Variants in XKR4 observed in about 807,000 individuals in gnomAD.
XKR4 encodes the protein XK-related protein 4.
XKR4 carries 12 observed loss-of-function variants against 53.9 expected under a neutral mutation model. The ratio of observed to expected loss-of-function variants is 0.22; its 90% confidence interval spans 0.14 to 0.36. XKR4 has a LOEUF of 0.36. XKR4 is among the 10% of genes least tolerant of loss of function. XKR4 has a pLI of 1.00. For synonymous variants in XKR4, 354 were observed against 362.4 expected (o/e 0.98, Z 0.26); for missense variants, 799 against 859.5 (o/e 0.93, Z 0.88).
chr8:55,374,320 G>A (rs77470970), intron 2 of XKR4, among the ~76,000 whole-genome samples: 1 of 152,250 alleles, frequency 6.6e-6, no homozygotes, highest in Non-Finnish European at 1.5e-5. Flanking sequence ...AGCCTCATAA[G>A]GGGGAGCAGC....
In XKR4 at chr8:55,523,846, A is replaced by T; in HGVS notation, c.1572A>T (p.Pro524=). The T allele has an allele frequency of 6.2e-7, 1 of 1,614,182 alleles. No homozygotes were observed. ...ATGGACCCAGATTCGGGCAGTCACCAAGTTGTGCTTGTGAGGACCCAGCCG... is the reference window on the plus strand; with the variant it reads ...ATGGACCCAGATTCGGGCAGTCACCTAGTTGTGCTTGTGAGGACCCAGCCG... ...HPNGPRFGQS[P]SCACEDPAAA... The change falls in exon 3 of 3, where the codon CCA becomes CCT. Residue 524 remains proline (P), a synonymous_variant. Transcript: ENST00000327381.
chr8:55,410,104 C>G (rs956942514), intron 2 of XKR4, among the ~76,000 whole-genome samples: 1 of 151,288 alleles, frequency 6.6e-6, no homozygotes, highest in African/African-American at 2.4e-5. Flanking sequence ...AAAAAAAAAG[C>G]CTTTTGAAAT....
intron 2 of XKR4, among the ~76,000 whole-genome samples, chr8:55,496,655 C>A (rs1268428821): frequency 6.6e-6 from 1 of 152,210 alleles, no homozygotes; most frequent in Non-Finnish European, 1.5e-5. Context: ...TCCCTCCCAA[C>A]TCCCCTGCAA....
In XKR4 at chr8:55,168,460, C is replaced by T. The variant is rs540946089; in HGVS notation, c.806+65166C>T. ...ACCTTATAATAATTTTAAAATGCATCCTATGTTCCCACTTCTGTGCACTTT... is the reference window on the plus strand; with the variant it reads ...ACCTTATAATAATTTTAAAATGCATTCTATGTTCCCACTTCTGTGCACTTT... On this transcript the variant is annotated intron_variant, in intron 1 of 2. Transcript: ENST00000327381. 5.6e-4 allele frequency among the ~76,000 whole-genome samples: 85 copies of T among 152,274 alleles called. 3 individuals carry two copies. In the South Asian group the frequency reaches 0.016, roughly 29 times the overall value.
chr8:55,165,241 G>A (rs1268009541), intron 1 of XKR4, among the ~76,000 whole-genome samples: 2 of 152,138 alleles, frequency 1.3e-5, no homozygotes, highest in Non-Finnish European at 2.9e-5. Flanking sequence ...GTGTGTTAAT[G>A]AATTTATGTA....
intron 1 of XKR4, among the ~76,000 whole-genome samples, chr8:55,153,427 T>A (rs1025675665): frequency 6.6e-5 from 10 of 152,150 alleles, no homozygotes; most frequent in African/African-American, 2.4e-4. Context: ...CCTTGTGACC[T>A]TCGAAGAACA....
chr8:55,474,448 C>T (rs1227320472), intron 2 of XKR4, among the ~76,000 whole-genome samples: 1 of 152,286 alleles, frequency 6.6e-6, no homozygotes, highest in East Asian at 1.9e-4. Context: ...CACATATACA[C>T]ACAAAGTCTA....
rs562218692 is a variant in XKR4 at position 55,455,249 on chromosome 8, G to T, written c.1007-68032G>T. On this transcript the variant is annotated intron_variant, in intron 2 of 2. Transcript: ENST00000327381. Reference sequence around the variant, plus strand: ...CCGGGACACCCCGGGTTCGCTCCGCGGCGGCCGCAGCGGCTGCGGCTGCGG... The same window carrying T: ...CCGGGACACCCCGGGTTCGCTCCGCTGCGGCCGCAGCGGCTGCGGCTGCGG... The T allele has an allele frequency of 8.2e-5, 15 of 183,250 alleles. No individual in the cohort carries two copies. In the South Asian group the frequency reaches 1.8e-3, roughly 22 times the overall value. 11.4% of individuals were successfully genotyped at this position (183,250 alleles called of 1,614,324 possible).
At chr8:55,197,855 T>A (rs1203213106) in intron 1 of XKR4, among the ~76,000 whole-genome samples, 1 of 152,202 alleles carries the variant, frequency 6.6e-6, no homozygotes, top group African/African-American at 2.4e-5. Flanking sequence ...GTTCAGCTTA[T>A]TTTTAAAAAC....
At chr8:55,345,137 C>T (rs1803616583) in intron 1 of XKR4, among the ~76,000 whole-genome samples, 2 of 151,788 alleles carry the variant, frequency 1.3e-5, no homozygotes, top group Non-Finnish European at 2.9e-5. Context: ...CAAAAGTTAG[C>T]TGGGTGTGGT....
chr8:55,433,077 A>T (rs1025904924), intron 2 of XKR4, among the ~76,000 whole-genome samples: 1 of 152,238 alleles, frequency 6.6e-6, no homozygotes, highest in African/African-American at 2.4e-5. Flanking sequence ...TGAAATTCAA[A>T]TTCACTTTTT....
intron 2 of XKR4, among the ~76,000 whole-genome samples, chr8:55,490,743 T>C (rs925914786): frequency 6.6e-6 from 1 of 152,172 alleles, no homozygotes; most frequent in Non-Finnish European, 1.5e-5. Context: ...ACTTTTAAGA[T>C]TTTTTTCTCT....
chr8:55,334,437 A>G (rs1803428414), intron 1 of XKR4, among the ~76,000 whole-genome samples: 1 of 152,152 alleles, frequency 6.6e-6, no homozygotes, highest in Non-Finnish European at 1.5e-5. Flanking sequence ...TGGCCCTCAG[A>G]GCAGCAGGAT....
At chr8:55,471,531 A>T (rs1188139774) in intron 2 of XKR4, among the ~76,000 whole-genome samples, 1 of 152,134 alleles carries the variant, frequency 6.6e-6, no homozygotes, top group African/African-American at 2.4e-5. Context: ...TGTGAAGGCC[A>T]TGGATTTAGA....
At chr8:55,239,515 G>A (rs895358459) in intron 1 of XKR4, among the ~76,000 whole-genome samples, 2 of 152,154 alleles carry the variant, frequency 1.3e-5, no homozygotes, top group African/African-American at 4.8e-5. Context: ...ATAACTTACT[G>A]CACTACCTTT....
chr8:55,474,846 C>G (rs1481470021), intron 2 of XKR4, among the ~76,000 whole-genome samples: 1 of 152,130 alleles, frequency 6.6e-6, no homozygotes, highest in Non-Finnish European at 1.5e-5. Context: ...ACCACATTAT[C>G]AGAGTGTTCT....
chr8:55,151,962 T>C (rs1816846130), intron 1 of XKR4, among the ~76,000 whole-genome samples: 1 of 152,226 alleles, frequency 6.6e-6, no homozygotes, highest in Admixed American at 6.5e-5. Flanking sequence ...GGTATTTTTA[T>C]TTCATTAAAT....
At chr8:55,400,021 C>T (rs550730106) in intron 2 of XKR4, among the ~76,000 whole-genome samples, 31 of 152,312 alleles carry the variant, frequency 2.0e-4, no homozygotes, top group African/African-American at 7.2e-4. Context: ...TAAAAACTTG[C>T]ACTCAAGGGC....
chr8:55,157,297 G>A (rs1316315937), intron 1 of XKR4, among the ~76,000 whole-genome samples: 1 of 152,156 alleles, frequency 6.6e-6, no homozygotes, highest in Non-Finnish European at 1.5e-5. Context: ...TTGGAATAAT[G>A]TGTATTGAAG....
Sources: gnomAD v4.1 joint callset for allele counts (sites outside exome capture counted in the v4.1 genomes callset) on GRCh38, gnomAD v4.1.1 for gene constraint, MANE v1.5 for transcripts, NCBI Gene and HGNC (gene_info 2026-07-23, HGNC 2026-07-21) for gene names.